BIRC6: variants seen among roughly 807,000 people sequenced by gnomAD.
BIRC6 encodes dual E2 ubiquitin-conjugating enzyme/E3 ubiquitin-protein ligase BIRC6.
In BIRC6, 98 loss-of-function variants were observed where a neutral mutation model predicts 503.3. The observed-to-expected ratio is 0.19, with a 90% CI of 0.17 to 0.23. The LOEUF (loss-of-function observed/expected upper bound fraction) is 0.23, where lower values mean the gene tolerates loss of function less well. BIRC6 is among the 10% of genes least tolerant of loss of function. The pLI is 1.00. For missense variants in BIRC6, 5,360 were observed against 5,806.0 expected (o/e 0.92, Z 2.50); for synonymous variants, 2,240 against 2,078.7 (o/e 1.08, Z -2.11).
Position 32,596,468 on chromosome 2 carries a change from C to CA in BIRC6, c.13613-1262dup, listed in dbSNP as rs11345309. Among the ~76,000 whole-genome samples, 139 of 86,540 alleles carry CA rather than the reference C, an allele frequency of 1.6e-3. 1 individual carries two copies. Among genetic ancestry groups the CA allele is most frequent in the African/African-American group, 4.7e-3 (123 of 25,996 alleles). 56.8% of individuals were successfully genotyped at this position (86,540 alleles called of 152,430 possible). A position where few individuals can be genotyped will look rare whatever the true frequency, so the allele number is the denominator to read the frequency against. Reference sequence around the variant, plus strand: ...TGGGCGACAGAGCAAGTCTCCATCTCAAAAAAAAAAAAAAAAAAAAATCAT... The same window carrying CA: ...TGGGCGACAGAGCAAGTCTCCATCTCAAAAAAAAAAAAAAAAAAAAAATCAT... On this transcript the variant is annotated intron_variant, in intron 68 of 73. Transcript: ENST00000421745.
intron 61 of BIRC6, among the ~76,000 whole-genome samples, chr2:32,533,733 A>G (rs895454080): frequency 6.6e-6 from 1 of 152,232 alleles, no homozygotes; most frequent in Non-Finnish European, 1.5e-5. Context: ...TCCAAGAGCC[A>G]TGGAACGTAA....
intron 61 of BIRC6, among the ~76,000 whole-genome samples, chr2:32,539,944 C>G (rs2057530951): frequency 6.6e-6 from 1 of 151,856 alleles, no homozygotes; most frequent in African/African-American, 2.4e-5. Flanking sequence ...AATTGGACAT[C>G]CACAAATGAT....
chr2:32,397,766 A>G (rs1156423832), intron 6 of BIRC6, among the ~76,000 whole-genome samples: 1 of 151,994 alleles, frequency 6.6e-6, no homozygotes, highest in Admixed American at 6.6e-5. Context: ...CAATCCTCAA[A>G]AAGTTATTTA....
chr2:32,502,919 T>G, intron 48 of BIRC6, 28 bp downstream of exon 48: 1 of 1,562,344 alleles, frequency 6.4e-7, no homozygotes, highest in Non-Finnish European at 8.7e-7. Context: ...TAACTATCAT[T>G]TAAGTGTAGT....
chr2:32,457,368 A>C (rs940137607), intron 23 of BIRC6, among the ~76,000 whole-genome samples: 1 of 151,868 alleles, frequency 6.6e-6, no homozygotes, highest in Non-Finnish European at 1.5e-5. Context: ...GTACTATTCT[A>C]TTTCTCATTG....
chr2:32,493,475 T>C, intron 44 of BIRC6, 65 bp from the exon 45 acceptor site: 1 of 1,450,600 alleles, frequency 6.9e-7, no homozygotes, highest in Admixed American at 1.9e-5. Flanking sequence ...TTGATAATTT[T>C]TAAATGAATG....
Position 32,441,260 on chromosome 2 carries a change from T to TA in BIRC6, c.3811-67dup. 9 of 1,152,542 alleles carry TA rather than the reference T, an allele frequency of 7.8e-6. No homozygotes were observed. In the South Asian group the frequency reaches 1.5e-4, roughly 19 times the overall value. 71.4% of individuals were successfully genotyped at this position (1,152,542 alleles called of 1,614,324 possible). A position where few individuals can be genotyped will look rare whatever the true frequency, so the allele number is the denominator to read the frequency against. On this transcript the variant is annotated intron_variant, in intron 16 of 73. Coordinates refer to ENST00000421745, the MANE Select transcript of BIRC6 (RefSeq NM_016252.4). ...AATTCAGTTATTTTCCTTTATTTTA[T>TA]AACTTCAATGGTAAATGATTTTTAG...
chr2:32,502,286 G>GATTA (rs1375921383), intron 47 of BIRC6, among the ~76,000 whole-genome samples: 1 of 152,038 alleles, frequency 6.6e-6, no homozygotes, highest in African/African-American at 2.4e-5. Context: ...CATTAAAAGA[G>GATTA]ATTAGGCTAA....
At chr2:32,553,480 C>A (rs1246511490) in intron 65 of BIRC6, among the ~76,000 whole-genome samples, 1 of 151,854 alleles carries the variant, frequency 6.6e-6, no homozygotes, top group Admixed American at 6.6e-5. Context: ...CTCCGCCTCT[C>A]GGGTTCAAGC....
intron 65 of BIRC6, among the ~76,000 whole-genome samples, chr2:32,556,455 G>A (rs993253002): frequency 2.0e-5 from 3 of 152,138 alleles, no homozygotes; most frequent in Admixed American, 6.5e-5. Flanking sequence ...TCACACTGTA[G>A]TCCAGCTATT....
rs77510339 is a variant in BIRC6, at chr2:32,471,454, G to A, written c.6592+330G>A. Among the ~76,000 whole-genome samples the A allele has an allele frequency of 1.1e-4, 17 of 152,148 alleles. No homozygotes were observed. In the East Asian group the frequency reaches 2.3e-3, roughly 21 times the overall value. Reference sequence around the variant, plus strand: ...TAAGTGAGTTATGAAAGGGAAATCAGAGTTTTTATTTTTTCTTAGTATGAT... The same window carrying A: ...TAAGTGAGTTATGAAAGGGAAATCAAAGTTTTTATTTTTTCTTAGTATGAT... On this transcript the variant is annotated intron_variant, in intron 32 of 73. Transcript: ENST00000421745.
chr2:32,495,901 G>A lies in BIRC6; in HGVS notation c.8468+2234G>A, dbSNP rs182230731. Among the ~76,000 whole-genome samples, 259 of 148,668 alleles carry A rather than the reference G, an allele frequency of 1.7e-3. 1 individual carries two copies. Among genetic ancestry groups the A allele is most frequent in the African/African-American group, 5.6e-3 (227 of 40,264 alleles). ...CACCCAGGCTGGAGTGCAGTGGTAC[G>A]ATCTCGGCTCACTGCAAGCGCCGCC... On this transcript the variant is annotated intron_variant, in intron 45 of 73. Coordinates refer to ENST00000421745, the MANE Select transcript of BIRC6 (RefSeq NM_016252.4).
At chr2:32,428,749 T>A (rs1574137890) in intron 10 of BIRC6, among the ~76,000 whole-genome samples, 1 of 152,316 alleles carries the variant, frequency 6.6e-6, no homozygotes, top group South Asian at 2.1e-4. Context: ...TTTGTTAAGT[T>A]TTGTTATTGT....
At chr2:32,420,192 A>C (rs1207845273) in intron 10 of BIRC6, among the ~76,000 whole-genome samples, 1 of 151,982 alleles carries the variant, frequency 6.6e-6, no homozygotes, top group Non-Finnish European at 1.5e-5. Flanking sequence ...TGTAATCTTT[A>C]TCTGGTTTTG....
chr2:32,600,019 T>A, intron 70 of BIRC6, 119 bp downstream of exon 70: 2 of 900,516 alleles, frequency 2.2e-6, no homozygotes. Context: ...TCTTTGTACT[T>A]CTCTTCCCTA....
intron 44 of BIRC6, among the ~76,000 whole-genome samples, chr2:32,492,981 A>G (rs757473701): frequency 2.0e-5 from 3 of 151,118 alleles, no homozygotes; most frequent in Non-Finnish European, 3.0e-5. Context: ...AGTGTTCACT[A>G]TCATTTCTTT....
At chr2:32,370,499 C>A (rs1573704887) in intron 1 of BIRC6, among the ~76,000 whole-genome samples, 1 of 152,102 alleles carries the variant, frequency 6.6e-6, no homozygotes, top group East Asian at 1.9e-4. Context: ...CATGTGTTAC[C>A]CCTTTCTTTG....
At chr2:32,540,771 C>T (rs2057603423) in intron 61 of BIRC6, among the ~76,000 whole-genome samples, 1 of 151,918 alleles carries the variant, frequency 6.6e-6, no homozygotes, top group Non-Finnish European at 1.5e-5. Context: ...ATTTGTATAG[C>T]TCTAGCATAC....
chr2:32,473,149 T>C lies in BIRC6; in HGVS notation c.6630T>C (p.Thr2210=). 3 of 1,581,410 alleles carry C rather than the reference T, an allele frequency of 1.9e-6. No homozygotes were observed. The highest frequency in any genetic ancestry group is 2.6e-6 in the Non-Finnish European group (3 of 1,161,052). The change falls in exon 33 of 74, where the codon ACT becomes ACC. Residue 2210 remains threonine, a synonymous_variant. Coordinates refer to ENST00000421745, the MANE Select transcript of BIRC6 (RefSeq NM_016252.4). ...GTTTTATTAACAATAATCTACACAC[T>C]CAGAGCTTAAATAGATCTTCTAAAG... ...QWSFINNNLH[T]QSLNRSSKGS...
Sources: allele counts gnomAD v4.1 joint callset (sites outside exome capture counted in the v4.1 genomes callset), GRCh38; gene constraint gnomAD v4.1.1; transcripts MANE v1.5; gene names NCBI Gene and HGNC (gene_info 2026-07-23, HGNC 2026-07-21).